Variants in CSTF2 observed in about 807,000 individuals in gnomAD.
CSTF2 encodes the protein CF-1 64 kDa subunit.
Under a neutral mutation model 45.4 loss-of-function variants are expected in CSTF2, and 8 were observed. The ratio of observed to expected loss-of-function variants is 0.18; its 90% CI spans 0.10 to 0.32. The LOEUF (loss-of-function observed/expected upper bound fraction) is 0.32, where lower values mean the gene tolerates loss of function less well. Ranked by LOEUF, CSTF2 falls within the 10% of genes least tolerant of loss-of-function variation. The pLI, the probability that CSTF2 is intolerant of heterozygous loss-of-function variation, is 1.00. For missense variants in CSTF2, 253 were observed against 477.1 expected (o/e 0.53, Z 4.38); for synonymous variants, 155 against 158.9 (o/e 0.98, Z 0.18).
chrX:100,837,691 A>G (rs2085017052), intron 12 of CSTF2, among the ~76,000 whole-genome samples: 1 of 112,257 alleles, frequency 8.9e-6, no homozygotes, highest in Non-Finnish European at 1.9e-5. Flanking sequence ...TTTCACACTC[A>G]TCTGCCAATA....
intron 6 of CSTF2, among the ~76,000 whole-genome samples, chrX:100,825,562 G>A (rs187818721): frequency 9.0e-6 from 1 of 111,540 alleles, no homozygotes; most frequent in Non-Finnish European, 1.9e-5. Context: ...ACAGGGCAGG[G>A]ACCAGCAAAC....
chrX:100,824,609 T>G, intron 6 of CSTF2, among the ~76,000 whole-genome samples: 1 of 111,865 alleles, frequency 8.9e-6, no homozygotes, highest in Non-Finnish European at 1.9e-5. Flanking sequence ...CCATTCTTAC[T>G]GATGAAAAAA....
chrX:100,836,551 G>A (rs1464552494), intron 11 of CSTF2, among the ~76,000 whole-genome samples: 1 of 112,036 alleles, frequency 8.9e-6, no homozygotes, highest in Non-Finnish European at 1.9e-5. Flanking sequence ...CTGGGTGAAT[G>A]CCTGAGTGTG....
Position 100,822,237 on chromosome X carries a change from G to C in CSTF2, c.138-14G>C, listed in dbSNP as rs1010943408. The stretch of plus-strand genomic sequence containing the variant: ...GTGTAACATTTGTTCCTGACACTTG[G>C]TTCTGCTCTCCAGATTGGTATACGA... On this transcript the variant is annotated splice_polypyrimidine_tract_variant and intron_variant, in intron 2 of 13. Coordinates refer to ENST00000372972, the MANE Select transcript of CSTF2 (RefSeq NM_001325.3). The C allele has an allele frequency of 3.0e-5, 36 of 1,197,324 alleles. No individual in the cohort carries two copies. Among genetic ancestry groups the C allele is most frequent in the Non-Finnish European group, 3.9e-5 (35 of 886,784 alleles).
intron 11 of CSTF2, 43 bp from the exon 12 acceptor site, chrX:100,837,296 A>G (rs2085014593): frequency 1.3e-5 from 13 of 1,026,682 alleles, no homozygotes; most frequent in Non-Finnish European, 1.6e-5. Flanking sequence ...TTACCTATAC[A>G]TTAAAAATGC....
chrX:100,840,637 A>T (rs1410178898), intron 13 of CSTF2, 77 bp from the exon 14 acceptor site: 1 of 110,593 alleles, frequency 9.0e-6, no homozygotes, highest in Non-Finnish European at 1.9e-5. Context: ...TAGCCTTTTT[A>T]TTTTTTTTCC....
chrX:100,835,044 A>T (rs2084999434), intron 11 of CSTF2, among the ~76,000 whole-genome samples: 1 of 111,263 alleles, frequency 9.0e-6, no homozygotes, highest in Non-Finnish European at 1.9e-5. Flanking sequence ...CTTTAAAAAA[A>T]TTTTAAATTA....
At chrX:100,830,360 C>T (rs1478596491) in intron 8 of CSTF2, among the ~76,000 whole-genome samples, 1 of 112,215 alleles carries the variant, frequency 8.9e-6, no homozygotes, top group African/African-American at 3.2e-5. Flanking sequence ...CAGTTATGGC[C>T]GTTTCAGAAT....
At position 100,822,416 on chromosome X, in the gene CSTF2, G is replaced by A. The variant is rs2084923482; in HGVS notation, c.303G>A (p.Leu101=). 1 of 1,208,089 alleles carries A rather than the reference G, an allele frequency of 8.3e-7. No homozygotes were observed. Among genetic ancestry groups the A allele is most frequent in the African/African-American group, 1.8e-5 (1 of 57,020 alleles). ...NAASEKNKEE[L]KSLGTGAPVI... ...CCAGTGAAAAGAACAAAGAAGAGCT[G>A]AAGAGTGAGTACAAATCCAACTTGG... Residue 101 remains leucine, a synonymous_variant, in exon 3 of 14, where the codon CTG becomes CTA. Coordinates refer to ENST00000372972, the MANE Select transcript of CSTF2 (RefSeq NM_001325.3).
chrX:100,832,381 ATG>A (rs951172925), intron 9 of CSTF2, among the ~76,000 whole-genome samples: 5 of 111,981 alleles, frequency 4.5e-5, no homozygotes, highest in African/African-American at 1.6e-4. Flanking sequence ...CGTGAAACTG[ATG>A]TGTGGAAAAG....
chrX:100,836,663 G>T lies in CSTF2; in HGVS notation c.1501-676G>T, dbSNP rs777200827. Among the ~76,000 whole-genome samples the T allele has an allele frequency of 1.7e-3, 185 of 112,038 alleles. 1 individual carries two copies. The highest frequency in any genetic ancestry group is 5.8e-3 in the African/African-American group (180 of 30,875). The stretch of plus-strand genomic sequence containing the variant: ...CTTGCAAAGGGTTGAACTCATTGAA[G>T]ATCTTAAGTACCAGTAAGTATGATA... On this transcript the variant is annotated intron_variant, in intron 11 of 13. Coordinates refer to ENST00000372972, the MANE Select transcript of CSTF2 (RefSeq NM_001325.3).
intron 13 of CSTF2, among the ~76,000 whole-genome samples, 155 bp downstream of exon 13, chrX:100,838,519 A>T (rs1482691132): frequency 8.9e-6 from 1 of 111,874 alleles, no homozygotes; most frequent in Non-Finnish European, 1.9e-5. Context: ...TCCTGTAGGG[A>T]TAGAGTAAGG....
At chrX:100,824,088 A>G (rs1175936312) in intron 5 of CSTF2, 32 bp from the exon 6 acceptor site, 1 of 1,208,224 alleles carries the variant, frequency 8.3e-7, no homozygotes, top group Admixed American at 2.2e-5. Flanking sequence ...TGTTAAACAG[A>G]CAGCTCATAG....
chrX:100,838,106 C>T, intron 12 of CSTF2, 133 bp from the exon 13 acceptor site: 1 of 593,909 alleles, frequency 1.7e-6, no homozygotes. Context: ...AATGTTCTTC[C>T]TTTTTCCATT....
At chrX:100,837,819 A>G (rs2085017754) in intron 12 of CSTF2, among the ~76,000 whole-genome samples, 1 of 111,285 alleles carries the variant, frequency 9.0e-6, no homozygotes, top group Non-Finnish European at 1.9e-5. Flanking sequence ...TTCTGTTTTT[A>G]TATTTGACCA....
intron 8 of CSTF2, 36 bp from the exon 9 acceptor site, chrX:100,831,479 T>C: frequency 1.7e-6 from 2 of 1,208,494 alleles, no homozygotes; most frequent in Admixed American, 4.3e-5. Context: ...TTATGTGTCT[T>C]TCACAGCAGT....
At chrX:100,840,174 TTG>T (rs1166549161) in intron 13 of CSTF2, among the ~76,000 whole-genome samples, 1 of 111,980 alleles carries the variant, frequency 8.9e-6, no homozygotes, top group African/African-American at 3.2e-5. Context: ...CAAGATTTTA[TTG>T]TGTGTCTACT....
At chrX:100,823,564 C>T (rs2084929668) in intron 4 of CSTF2, 136 bp downstream of exon 4, 1 of 675,693 alleles carries the variant, frequency 1.5e-6, no homozygotes, top group Admixed American at 3.6e-5. Context: ...TCTGTATGTA[C>T]ACAGTATATT....
At chrX:100,821,709 C>T (rs940334741) in intron 2 of CSTF2, 104 bp downstream of exon 2, 1 of 536,224 alleles carries the variant, frequency 1.9e-6, no homozygotes, top group Admixed American at 3.1e-5. Flanking sequence ...TTTTCACATA[C>T]ATTTTGTTCT....
Sources: gnomAD v4.1 joint callset for allele counts (sites outside exome capture counted in the v4.1 genomes callset) on GRCh38, gnomAD v4.1.1 for gene constraint, MANE v1.5 for transcripts, NCBI Gene and HGNC (gene_info 2026-07-23, HGNC 2026-07-21) for gene names.